ROBO2: variants seen among roughly 807,000 people sequenced by gnomAD.
The protein encoded by ROBO2 is roundabout guidance receptor 2, also known as roundabout homolog 2.
A neutral mutation model predicts 160.8 loss-of-function variants in ROBO2; 53 were observed. The ratio of observed to expected loss-of-function variants is 0.33; its 90% CI spans 0.26 to 0.41. ROBO2 has a LOEUF of 0.41. Among genes scored for constraint, ROBO2 ranks in the 10% least tolerant of loss-of-function variants. The pLI is 1.00. For synonymous variants in ROBO2, 664 were observed against 611.7 expected, an observed-to-expected ratio of 1.09 and a Z score of -1.26; for missense variants, 1,577 against 1,722.4, an observed-to-expected ratio of 0.92 and a Z score of 1.49.
At chr3:77,313,886 G>T (rs2063749780) in intron 2 of ROBO2, among the ~76,000 whole-genome samples, 1 of 152,100 alleles carries the variant, frequency 6.6e-6, no homozygotes, top group South Asian at 2.1e-4. Context: ...CCCTGGCCAG[G>T]ATCAGTGTTT....
At chr3:76,180,102 C>G (rs1220080475) in intron 2 of ROBO2, among the ~76,000 whole-genome samples, 1 of 152,102 alleles carries the variant, frequency 6.6e-6, no homozygotes, top group East Asian at 1.9e-4. Flanking sequence ...CTTCAAGATT[C>G]AGATCAAAGG....
At chr3:76,062,962 ACAAT>A (rs906402247) in intron 2 of ROBO2, among the ~76,000 whole-genome samples, 4 of 152,334 alleles carry the variant, frequency 2.6e-5, no homozygotes, top group East Asian at 1.9e-4. Flanking sequence ...GTCATATTTA[ACAAT>A]CAGAGTTCAT....
At chr3:76,309,599 T>C (rs1027104379) in intron 2 of ROBO2, among the ~76,000 whole-genome samples, 1 of 152,232 alleles carries the variant, frequency 6.6e-6, no homozygotes, top group African/African-American at 2.4e-5. Flanking sequence ...CGGTAATTTG[T>C]TCCCTTTTGA....
chr3:76,838,125 A>G (rs2067881040), intron 2 of ROBO2, among the ~76,000 whole-genome samples: 1 of 152,084 alleles, frequency 6.6e-6, no homozygotes, highest in Non-Finnish European at 1.5e-5. Flanking sequence ...CACCAAACTA[A>G]CAAGGAACAG....
chr3:76,965,669 TAA>T lies in ROBO2; in HGVS notation c.110-132331_110-132330del, dbSNP rs375028767. On this transcript the variant is annotated intron_variant, in intron 2 of 26. Coordinates refer to the ROBO2 transcript ENST00000487694. ...CTAGTTCTCATATATCTATCAAAGGTAAAAAAAAAAAAAAACTTCAGTAAATT... is the reference window on the plus strand; with the variant it reads ...CTAGTTCTCATATATCTATCAAAGGTAAAAAAAAAAAAACTTCAGTAAATT... 1.7e-3 allele frequency among the ~76,000 whole-genome samples: 213 copies of T among 122,722 alleles called. 2 individuals are homozygous for T. Among genetic ancestry groups the T allele is most frequent in the African/African-American group, 5.6e-3 (200 of 35,540 alleles). 80.5% of individuals were successfully genotyped at this position (122,722 alleles called of 152,430 possible).
intron 2 of ROBO2, among the ~76,000 whole-genome samples, chr3:76,456,532 G>A (rs912562910): frequency 7.2e-5 from 11 of 152,168 alleles, no homozygotes; most frequent in African/African-American, 1.4e-4. Context: ...CCAGGTTTCC[G>A]GAGACTGTAT....
At chr3:76,747,340 T>A (rs889546241) in intron 2 of ROBO2, among the ~76,000 whole-genome samples, 2 of 152,142 alleles carry the variant, frequency 1.3e-5, no homozygotes, top group East Asian at 3.9e-4. Context: ...TTTCTTAACA[T>A]TGTTTAAGTG....
At chr3:77,459,310 C>T (rs1299737092) in intron 2 of ROBO2, among the ~76,000 whole-genome samples, 1 of 152,174 alleles carries the variant, frequency 6.6e-6, no homozygotes, top group African/African-American at 2.4e-5. Flanking sequence ...GTAAACTCAA[C>T]AATTAGACCA....
At chr3:76,597,159 T>C (rs1335332617) in intron 2 of ROBO2, among the ~76,000 whole-genome samples, 2 of 152,116 alleles carry the variant, frequency 1.3e-5, no homozygotes, top group Non-Finnish European at 2.9e-5. Context: ...GTAAAACTAT[T>C]AAATTTTTAG....
chr3:76,049,296 G>C (rs997513081), intron 2 of ROBO2, among the ~76,000 whole-genome samples: 3 of 149,880 alleles, frequency 2.0e-5, no homozygotes, highest in Admixed American at 1.3e-4. Flanking sequence ...CTGCAGCCAC[G>C]ACCTCTTGGG....
intron 1 of ROBO2, among the ~76,000 whole-genome samples, chr3:77,061,719 C>T (rs1227626653): frequency 6.6e-6 from 1 of 152,156 alleles, no homozygotes; most frequent in African/African-American, 2.4e-5. Context: ...TGATACCATT[C>T]TGCCTCTTGC....
At chr3:76,248,083 C>T (rs1262178457) in intron 2 of ROBO2, among the ~76,000 whole-genome samples, 2 of 151,874 alleles carry the variant, frequency 1.3e-5, no homozygotes, top group South Asian at 4.1e-4. Flanking sequence ...GTCAGTGTGG[C>T]GATTCCTCAG....
At chr3:76,154,917 G>T (rs376955466) in intron 2 of ROBO2, among the ~76,000 whole-genome samples, 1 of 152,036 alleles carries the variant, frequency 6.6e-6, no homozygotes, top group African/African-American at 2.4e-5. Flanking sequence ...ATATATTGTG[G>T]TTATTTCAGT....
intron 2 of ROBO2, among the ~76,000 whole-genome samples, chr3:76,430,401 T>C (rs1370800662): frequency 6.6e-6 from 1 of 152,192 alleles, no homozygotes; most frequent in East Asian, 1.9e-4. Flanking sequence ...GTATTCCTTT[T>C]TCAAAGTATC....
chr3:77,244,778 T>C (rs1334533399), intron 2 of ROBO2, among the ~76,000 whole-genome samples: 1 of 150,168 alleles, frequency 6.7e-6, no homozygotes, highest in Non-Finnish European at 1.5e-5. Flanking sequence ...CTCGGGAGGC[T>C]GAGGCAGGGG....
At chr3:75,985,598 G>A (rs1036924005) in intron 2 of ROBO2, among the ~76,000 whole-genome samples, 3 of 151,580 alleles carry the variant, frequency 2.0e-5, no homozygotes, top group South Asian at 2.1e-4. Context: ...ACATCATTAT[G>A]TGGTTTATGG....
intron 2 of ROBO2, among the ~76,000 whole-genome samples, chr3:76,751,022 A>C (rs2093976612): frequency 6.6e-6 from 1 of 152,164 alleles, no homozygotes; most frequent in Non-Finnish European, 1.5e-5. Context: ...AGCTGGAGGC[A>C]TCACGCTACC....
intron 2 of ROBO2, among the ~76,000 whole-genome samples, chr3:76,095,964 C>A (rs979115339): frequency 1.3e-5 from 2 of 151,910 alleles, no homozygotes; most frequent in African/African-American, 2.4e-5. Flanking sequence ...TTAAGCTGAA[C>A]AAATATCAAG....
rs545447193 is a variant in ROBO2, at chr3:76,658,803, T to G, written c.110-439211T>G. ...TAGTGCTGCAATTGCCTTTTTAACT[T>G]AATAGTGTTTCTTGAGTCATATCTT... On this transcript the variant is annotated intron_variant, in intron 2 of 26. Coordinates refer to the ROBO2 transcript ENST00000487694. 1.3e-3 allele frequency among the ~76,000 whole-genome samples: 192 copies of G among 152,320 alleles called. 3 individuals carry two copies. Among genetic ancestry groups the G allele is most frequent in the African/African-American group, 4.5e-3 (185 of 41,570 alleles).
Sources: allele counts gnomAD v4.1 joint callset (sites outside exome capture counted in the v4.1 genomes callset), GRCh38; gene constraint gnomAD v4.1.1; transcripts MANE v1.5; gene names NCBI Gene and HGNC (gene_info 2026-07-23, HGNC 2026-07-21).